NRG3: variants seen among roughly 807,000 people sequenced by gnomAD.
NRG3 encodes the protein pro-neuregulin-3, membrane-bound isoform.
In NRG3, 31 loss-of-function variants were observed where a neutral mutation model predicts 66.9. The ratio of observed to expected loss-of-function variants is 0.46; its 90% CI spans 0.35 to 0.63. NRG3 has a LOEUF of 0.63. NRG3 is among the 20% of genes least tolerant of loss of function. The pLI, the probability that NRG3 is intolerant of heterozygous loss-of-function variation, is 0.00. For synonymous variants in NRG3, 393 were observed against 359.4 expected (o/e 1.09, Z -1.06); for missense variants, 910 against 878.9 (o/e 1.04, Z -0.45).
At chr10:82,681,965 G>A (rs1015110902) in intron 2 of NRG3, among the ~76,000 whole-genome samples, 2 of 152,180 alleles carry the variant, frequency 1.3e-5, no homozygotes, top group Non-Finnish European at 2.9e-5. Flanking sequence ...TATGGTGGGC[G>A]TAAGCTCAGT....
chr10:82,261,413 C>T (rs1368422224), intron 1 of NRG3, among the ~76,000 whole-genome samples: 1 of 152,114 alleles, frequency 6.6e-6, no homozygotes, highest in African/African-American at 2.4e-5. Flanking sequence ...TTATAAATTA[C>T]CCAGTGTTGG....
intron 1 of NRG3, among the ~76,000 whole-genome samples, chr10:82,203,757 G>A (rs1288273896): frequency 6.6e-6 from 1 of 152,084 alleles, no homozygotes; most frequent in Non-Finnish European, 1.5e-5. Flanking sequence ...ATCAAAAACA[G>A]GATGTTCTTT....
At chr10:82,354,755 G>T (rs1342013363) in intron 1 of NRG3, among the ~76,000 whole-genome samples, 3 of 152,080 alleles carry the variant, frequency 2.0e-5, no homozygotes, top group Non-Finnish European at 2.9e-5. Context: ...ATAAGCCCAA[G>T]GATTAAAGAT....
At chr10:81,956,646 C>T (rs866051239) in intron 1 of NRG3, among the ~76,000 whole-genome samples, 2 of 152,116 alleles carry the variant, frequency 1.3e-5, no homozygotes, top group Admixed American at 6.6e-5. Context: ...CACCTCTTGC[C>T]TTATTTACTA....
chr10:82,494,495 G>T (rs916071409), intron 2 of NRG3, among the ~76,000 whole-genome samples: 2 of 152,116 alleles, frequency 1.3e-5, no homozygotes, highest in Non-Finnish European at 2.9e-5. Context: ...GTGTGTGTGT[G>T]TGTGTATGGA....
intron 1 of NRG3, among the ~76,000 whole-genome samples, chr10:82,235,193 A>G (rs1334276260): frequency 1.2e-4 from 19 of 152,220 alleles, no homozygotes. Flanking sequence ...TTTTTGGAAC[A>G]CAGCTGCACC....
At chr10:82,642,806 G>A (rs2050673235) in intron 2 of NRG3, among the ~76,000 whole-genome samples, 1 of 151,982 alleles carries the variant, frequency 6.6e-6, no homozygotes, top group Non-Finnish European at 1.5e-5. Flanking sequence ...TTAGATATGT[G>A]AACACTGAAT....
At chr10:82,253,745 T>C (rs1349327966) in intron 1 of NRG3, among the ~76,000 whole-genome samples, 1 of 152,216 alleles carries the variant, frequency 6.6e-6, no homozygotes, top group Non-Finnish European at 1.5e-5. Context: ...TTTAGTGTCA[T>C]TCCATAGCTA....
chr10:82,939,892 T>C lies in NRG3; in HGVS notation c.1055-11577T>C, dbSNP rs183745360. ...TCAAGAAATTGCTGCCTCTTTTTAT[T>C]GCCCCACCAAGCAGAAGACCACTGG... On this transcript the variant is annotated intron_variant, in intron 4 of 8. Transcript: ENST00000372141. Among the ~76,000 whole-genome samples the C allele has an allele frequency of 2.7e-3, 408 of 151,634 alleles. 4 individuals carry two copies. Among genetic ancestry groups the C allele is most frequent in the Non-Finnish European group, 1.2e-3 (83 of 67,946 alleles).
chr10:82,349,023 G>A (rs2135480795), intron 1 of NRG3, among the ~76,000 whole-genome samples: 1 of 152,180 alleles, frequency 6.6e-6, no homozygotes, highest in Admixed American at 6.5e-5. Context: ...ATGTCCTCCT[G>A]TAGCTCAGAG....
chr10:82,316,858 A>G (rs989644298), intron 1 of NRG3, among the ~76,000 whole-genome samples: 1 of 152,156 alleles, frequency 6.6e-6, no homozygotes, highest in African/African-American at 2.4e-5. Context: ...ATGGAGCAAG[A>G]GAATCTTGGC....
At chr10:82,779,320 G>A (rs2060028285) in intron 3 of NRG3, among the ~76,000 whole-genome samples, 1 of 152,096 alleles carries the variant, frequency 6.6e-6, no homozygotes, top group African/African-American at 2.4e-5. Context: ...TCCTGTTTCT[G>A]AGCTGATTTT....
At chr10:82,118,253 C>G (rs1379147122) in intron 1 of NRG3, among the ~76,000 whole-genome samples, 1 of 151,106 alleles carries the variant, frequency 6.6e-6, no homozygotes, top group Non-Finnish European at 1.5e-5. Context: ...TATATGTGCT[C>G]TGGAGCACAT....
chr10:82,239,328 G>T (rs747175487), intron 1 of NRG3, among the ~76,000 whole-genome samples: 5 of 152,114 alleles, frequency 3.3e-5, no homozygotes, highest in African/African-American at 1.2e-4. Context: ...GAAAATTTTT[G>T]TATTTTTAGT....
intron 2 of NRG3, among the ~76,000 whole-genome samples, chr10:82,439,316 G>T (rs557714720): frequency 6.6e-6 from 1 of 152,090 alleles, no homozygotes; most frequent in Non-Finnish European, 1.5e-5. Context: ...CATGAGCACA[G>T]GATATTCTCT....
intron 1 of NRG3, among the ~76,000 whole-genome samples, chr10:82,036,217 G>A (rs986997355): frequency 1.3e-5 from 2 of 152,020 alleles, no homozygotes; most frequent in African/African-American, 2.4e-5. Flanking sequence ...CTAAAGGGTC[G>A]ACTTATATTT....
chr10:82,659,925 A>G (rs372875024), intron 2 of NRG3, among the ~76,000 whole-genome samples: 30 of 152,018 alleles, frequency 2.0e-4, no homozygotes, highest in African/African-American at 7.2e-4. Flanking sequence ...GCCGGGTGCA[A>G]TGGCTCATGT....
intron 2 of NRG3, among the ~76,000 whole-genome samples, chr10:82,434,850 A>G (rs1323896430): frequency 1.3e-5 from 2 of 152,022 alleles, no homozygotes; most frequent in Non-Finnish European, 2.9e-5. Flanking sequence ...CGTTTCCCAT[A>G]TTTTATTGAG....
chr10:82,983,972 T>A (rs1455434968), intron 8 of NRG3, among the ~76,000 whole-genome samples: 1 of 152,244 alleles, frequency 6.6e-6, no homozygotes, highest in Non-Finnish European at 1.5e-5. Flanking sequence ...AGATTTGTAT[T>A]TAGTGTGCAA....
Sources: gnomAD v4.1 joint callset for allele counts (sites outside exome capture counted in the v4.1 genomes callset) on GRCh38, gnomAD v4.1.1 for gene constraint, MANE v1.5 for transcripts, NCBI Gene and HGNC (gene_info 2026-07-23, HGNC 2026-07-21) for gene names.